Variants in CIROZ observed in about 807,000 individuals in gnomAD.
CIROZ encodes ciliated left-right organizer ZP-N domains-containing protein.
chr1:10,960,530 G>A, the CIROZ span, among the ~76,000 whole-genome samples: 1 of 152,260 alleles, frequency 6.6e-6, no homozygotes, highest in Non-Finnish European at 1.5e-5. The surrounding 1 kb of genome is among the most constrained non-coding windows in gnomAD (Gnocchi z 4.6). Context: ...AGGAGCTCGG[G>A]CAGCCTTCAC....
the CIROZ span, among the ~76,000 whole-genome samples, chr1:10,961,442 T>C: frequency 6.6e-6 from 1 of 152,180 alleles, no homozygotes; most frequent in Admixed American, 6.5e-5. Context: ...GAGTCCAACA[T>C]GGCAGTGAGC....
the CIROZ span, among the ~76,000 whole-genome samples, chr1:10,966,182 C>T: frequency 6.6e-6 from 1 of 152,102 alleles, no homozygotes; most frequent in Non-Finnish European, 1.5e-5. Flanking sequence ...CTGAGCTGGG[C>T]GGCCTTTTAA....
chr1:10,980,188 C>G, the CIROZ span, among the ~76,000 whole-genome samples: 1 of 152,262 alleles, frequency 6.6e-6, no homozygotes, highest in Admixed American at 6.5e-5. Context: ...CAGGCCCAGC[C>G]CAGGGAGGCC....
the CIROZ span, among the ~76,000 whole-genome samples, chr1:10,981,476 G>A: frequency 2.7e-5 from 4 of 150,642 alleles, no homozygotes; most frequent in Non-Finnish European, 5.9e-5. Context: ...CAGAGAGGGA[G>A]AGAGAGAGAG....
chr1:10,961,163 G>C, the CIROZ span, among the ~76,000 whole-genome samples: 48 of 152,336 alleles, frequency 3.2e-4, 1 homozygote, highest in South Asian at 2.3e-3. Flanking sequence ...CCACTGTCGT[G>C]TGAGGACAGC....
chr1:10,971,271 G>A, the CIROZ span, among the ~76,000 whole-genome samples: 13 of 150,760 alleles, frequency 8.6e-5, no homozygotes, highest in African/African-American at 2.2e-4. Flanking sequence ...GAGGCAGTGC[G>A]CAATGTCCTG....
the CIROZ span, chr1:10,948,392 G>A: frequency 2.8e-5 from 45 of 1,612,960 alleles, no homozygotes; most frequent in Middle Eastern, 1.6e-4. Context: ...TGGCTTGGCC[G>A]GGCTCCCCCA....
the CIROZ span, chr1:10,955,304 C>G: frequency 1.1e-6 from 1 of 905,288 alleles, no homozygotes; most frequent in Non-Finnish European, 1.6e-6. Context: ...GCACACTTCC[C>G]CAGTCAGTGA....
the CIROZ span, among the ~76,000 whole-genome samples, chr1:10,952,351 A>T: frequency 6.6e-6 from 1 of 152,034 alleles, no homozygotes. Context: ...AGGCCAAAAA[A>T]ACTCTTCCTA....
chr1:10,969,917 G>T, the CIROZ span: 1 of 1,476,622 alleles, frequency 6.8e-7, no homozygotes, highest in Non-Finnish European at 8.9e-7. Context: ...GGCAGGGGAA[G>T]GCAACACAAA....
the CIROZ span, among the ~76,000 whole-genome samples, chr1:10,973,160 G>A: frequency 1.3e-5 from 2 of 152,092 alleles, no homozygotes; most frequent in Non-Finnish European, 2.9e-5. Context: ...ATCACTTGAG[G>A]TGAAGAGTTC....
the CIROZ span, chr1:10,947,697 C>G: frequency 6.5e-7 from 1 of 1,528,172 alleles, no homozygotes; most frequent in Admixed American, 2.1e-5. Context: ...CCCCTCCACA[C>G]TGTCTTGAAG....
chr1:10,951,426 G>A, the CIROZ span, among the ~76,000 whole-genome samples: 2 of 151,758 alleles, frequency 1.3e-5, no homozygotes, highest in African/African-American at 4.9e-5. Context: ...AGCCAGGCAT[G>A]GTGGCGGGCA....
the CIROZ span, chr1:10,966,596 C>T: frequency 8.5e-7 from 1 of 1,182,590 alleles, no homozygotes; most frequent in African/African-American, 1.5e-5. Flanking sequence ...AGCTTCTTAC[C>T]TGGAAGGGAT....
chr1:10,964,009 C>T, the CIROZ span: 1 of 1,269,528 alleles, frequency 7.9e-7, no homozygotes, highest in South Asian at 1.5e-5. Flanking sequence ...GCAGCTACCA[C>T]CTGTCTCCCT....
chr1:10,961,891 G>A, the CIROZ span, among the ~76,000 whole-genome samples: 1 of 151,264 alleles, frequency 6.6e-6, no homozygotes, highest in Non-Finnish European at 1.5e-5. Context: ...AGGTTACAGT[G>A]AGCCGAGATC....
the CIROZ span, among the ~76,000 whole-genome samples, chr1:10,975,997 T>TTCA: frequency 2.0e-5 from 3 of 152,128 alleles, no homozygotes; most frequent in Admixed American, 6.6e-5. Flanking sequence ...GCTTCCTTGT[T>TTCA]GGGAGAATGA....
chr1:10,968,967 G>A, the CIROZ span, among the ~76,000 whole-genome samples: 4 of 152,178 alleles, frequency 2.6e-5, no homozygotes, highest in South Asian at 6.3e-4. Context: ...AAGAACAGGC[G>A]ACAGCTTAAT....
chr1:10,979,555 C>T, the CIROZ span, among the ~76,000 whole-genome samples: 11 of 151,400 alleles, frequency 7.3e-5, no homozygotes, highest in Admixed American at 1.3e-4. Context: ...TAAGACTGAA[C>T]ATTCCTCCAC....
Sources: allele counts gnomAD v4.1 joint callset (sites outside exome capture counted in the v4.1 genomes callset), GRCh38; gene constraint gnomAD v4.1.1; non-coding constraint Gnocchi (gnomAD v3.1); transcripts MANE v1.5; gene names NCBI Gene and HGNC (gene_info 2026-07-23, HGNC 2026-07-21).